PIK3R4: variants seen among roughly 807,000 people sequenced by gnomAD.
The protein encoded by PIK3R4 is phosphoinositide-3-kinase regulatory subunit 4, also known as phosphoinositide 3-kinase regulatory subunit 4.
In PIK3R4, 46 loss-of-function variants were observed where a neutral mutation model predicts 136.5. The observed-to-expected ratio is 0.34, with a 90% CI of 0.27 to 0.43. The LOEUF (loss-of-function observed/expected upper bound fraction) is 0.43, where lower values mean the gene tolerates loss of function less well. PIK3R4 is among the 20% of genes least tolerant of loss of function. The probability of loss-of-function intolerance (pLI) is 1.00; values close to 1 mark genes in which losing one functional copy is unlikely to be tolerated. For missense variants in PIK3R4, 1,331 were observed against 1,649.5 expected (o/e 0.81, Z 3.35); for synonymous variants, 557 against 566.7 (o/e 0.98, Z 0.24).
At chr3:130,718,301 A>T in intron 8 of PIK3R4, 88 bp downstream of exon 8, 1 of 1,148,226 alleles carries the variant, frequency 8.7e-7, no homozygotes. Context: ...TACTTAAAAA[A>T]TGTTAAGAAA....
Position 130,729,156 on chromosome 3 carries a change from C to T in PIK3R4, c.1586-472G>A, listed in dbSNP as rs143060002. Among the ~76,000 whole-genome samples, 435 of 152,282 alleles carry T rather than the reference C, an allele frequency of 2.9e-3. 2 individuals carry two copies. Among genetic ancestry groups the T allele is most frequent in the Non-Finnish European group, 5.1e-3 (345 of 67,976 alleles). On this transcript the variant is annotated intron_variant, in intron 5 of 19. Coordinates refer to ENST00000356763, the MANE Select transcript of PIK3R4 (RefSeq NM_014602.3). ...CACTGCAAGTTCTGTCAAGGCTTTA[C>T]TTCATCTGGCCACTGTCTTCTCTGG...
At chr3:130,729,483 C>G (rs1316168708) in intron 5 of PIK3R4, among the ~76,000 whole-genome samples, 1 of 152,134 alleles carries the variant, frequency 6.6e-6, no homozygotes, top group Non-Finnish European at 1.5e-5. Context: ...TAGATTCCCT[C>G]CCCAAAAATT....
intron 13 of PIK3R4, among the ~76,000 whole-genome samples, chr3:130,702,297 T>G (rs1239069729): frequency 6.6e-6 from 1 of 152,180 alleles, no homozygotes; most frequent in Non-Finnish European, 1.5e-5. Context: ...TGCTTGCATA[T>G]TTGAATATTT....
At chr3:130,713,963 C>A (rs142388311) in intron 9 of PIK3R4, among the ~76,000 whole-genome samples, 12 of 151,986 alleles carry the variant, frequency 7.9e-5, no homozygotes, top group Non-Finnish European at 1.5e-5. Flanking sequence ...TGAGCCACCG[C>A]GCCGGGCCTG....
intron 7 of PIK3R4, among the ~76,000 whole-genome samples, chr3:130,722,309 T>C (rs2066706176): frequency 6.6e-6 from 1 of 152,198 alleles, no homozygotes; most frequent in Non-Finnish European, 1.5e-5. Flanking sequence ...ACTGGGTTTA[T>C]TCTGTATATA....
At chr3:130,722,228 T>A (rs1323443955) in intron 7 of PIK3R4, among the ~76,000 whole-genome samples, 1 of 152,214 alleles carries the variant, frequency 6.6e-6, no homozygotes, top group Non-Finnish European at 1.5e-5. Flanking sequence ...CGTGTTTTTT[T>A]CTCCCCATAG....
intron 15 of PIK3R4, among the ~76,000 whole-genome samples, chr3:130,685,054 G>A (rs1329024402): frequency 6.6e-6 from 1 of 152,148 alleles, no homozygotes; most frequent in East Asian, 1.9e-4. Context: ...GAATAAGCAT[G>A]CCAACCAAAA....
intron 16 of PIK3R4, among the ~76,000 whole-genome samples, chr3:130,682,391 C>G (rs1220444979): frequency 6.6e-6 from 1 of 152,168 alleles, no homozygotes; most frequent in Non-Finnish European, 1.5e-5. Flanking sequence ...TCCCCTAGTG[C>G]CTCCAGAGGG....
At chr3:130,703,106 A>G (rs1321664851) in intron 13 of PIK3R4, among the ~76,000 whole-genome samples, 2 of 152,274 alleles carry the variant, frequency 1.3e-5, no homozygotes, top group East Asian at 3.9e-4. Flanking sequence ...TCTGTTGACA[A>G]CTAACTCAGA....
At chr3:130,726,120 A>G (rs2066730010) in intron 6 of PIK3R4, among the ~76,000 whole-genome samples, 2 of 152,096 alleles carry the variant, frequency 1.3e-5, no homozygotes, top group African/African-American at 2.4e-5. Flanking sequence ...CATACGTTGC[A>G]TATTTATACC....
intron 6 of PIK3R4, among the ~76,000 whole-genome samples, chr3:130,727,422 A>C (rs890240217): frequency 6.6e-6 from 1 of 152,006 alleles, no homozygotes; most frequent in Non-Finnish European, 1.5e-5. Context: ...ACGGGGTTTC[A>C]CCGTGTTAGC....
chr3:130,681,360 T>TTGA, intron 17 of PIK3R4, 131 bp downstream of exon 17: 1 of 676,332 alleles, frequency 1.5e-6, no homozygotes, highest in Non-Finnish European at 2.7e-6. Flanking sequence ...CACATGATAC[T>TTGA]TGATGTTATT....
At chr3:130,745,879 C>T (rs1010933684) in intron 1 of PIK3R4, among the ~76,000 whole-genome samples, 1 of 152,018 alleles carries the variant, frequency 6.6e-6, no homozygotes, top group African/African-American at 2.4e-5. Context: ...AAAAATTAGC[C>T]GGGCGTGGTA....
At chr3:130,742,590 T>C (rs764534837) in intron 2 of PIK3R4, among the ~76,000 whole-genome samples, 1 of 152,238 alleles carries the variant, frequency 6.6e-6, no homozygotes, top group Non-Finnish European at 1.5e-5. Context: ...CTCAGTATTA[T>C]CTTGGGACAC....
intron 13 of PIK3R4, among the ~76,000 whole-genome samples, chr3:130,698,072 C>T (rs531701599): frequency 7.2e-4 from 110 of 152,292 alleles, no homozygotes; most frequent in African/African-American, 2.5e-3. Flanking sequence ...TAAAAATCAA[C>T]TGTTAATTTT....
chr3:130,733,712 G>C lies in PIK3R4; in HGVS notation c.1286C>G (p.Ser429Cys), dbSNP rs150553477. 4.3e-5 allele frequency: 69 copies of C among 1,614,164 alleles called. No homozygotes were observed. In the African/African-American group the frequency reaches 8.3e-4, roughly 19 times the overall value. Residue 429 changes from serine to cysteine, a missense_variant, in exon 4 of 20, where the codon TCT becomes TGT. By Grantham distance (112) the Ser-to-Cys change is moderately radical. Around this residue, in one of 2 missense-constraint regions of PIK3R4, gnomAD observed 1,180 missense variants for 1,407.0 expected, o/e 0.84. Transcript: ENST00000356763. Reference sequence around the variant, plus strand: ...GGCTTCAGCCCTCACCCTAGGAACAGAGTCATTGCTGAAATGCAAAAGATA... The same window carrying C: ...GGCTTCAGCCCTCACCCTAGGAACACAGTCATTGCTGAAATGCAAAAGATA... ...TPYLLHFSND[S>C]VPRVRAEALR... is the part of the protein sequence containing the mutation.
Position 130,705,630 on chromosome 3 carries a change from A to G in PIK3R4, c.2863T>C (p.Cys955Arg). 6.2e-7 allele frequency: 1 copy of G among 1,613,886 alleles called. No individual in the cohort carries two copies. The highest frequency in any genetic ancestry group is 1.1e-5 in the South Asian group (1 of 91,078). The change falls in exon 12 of 20, where the codon TGC (cysteine) becomes CGC (arginine). Residue 955 changes from cysteine to arginine, a missense_variant. Physicochemically the swap from Cys to Arg is radical, Grantham distance 180. This residue lies in a region of PIK3R4 where 1,180 missense variants were observed against 1,407.0 expected (regional missense o/e 0.84). Coordinates refer to ENST00000356763, the MANE Select transcript of PIK3R4 (RefSeq NM_014602.3). Reference protein sequence around the residue: ...QQLIQQKREQCNAERIAKQMM... With the variant: ...QQLIQQKREQRNAERIAKQMM... ...TGCTTAGCTATTCTCTCAGCATTGCACTGCTCCCGCTTTTGCTGGATGAGT... is the reference window on the plus strand; with the variant it reads ...TGCTTAGCTATTCTCTCAGCATTGCGCTGCTCCCGCTTTTGCTGGATGAGT...
chr3:130,680,733 G>A lies in PIK3R4; in HGVS notation c.3798-12C>T. On this transcript the variant is annotated splice_polypyrimidine_tract_variant and intron_variant, in intron 18 of 19. Coordinates refer to ENST00000356763, the MANE Select transcript of PIK3R4 (RefSeq NM_014602.3). Reference sequence around the variant, plus strand: ...CCAAGTCCCAAAACCTAGGAAAGAGGAAATAAATGATGACAATCTCTTCAG... The same window carrying A: ...CCAAGTCCCAAAACCTAGGAAAGAGAAAATAAATGATGACAATCTCTTCAG... The A allele has an allele frequency of 6.7e-7, 1 of 1,491,692 alleles. No individual in the cohort carries two copies. The highest frequency in any genetic ancestry group is 1.2e-5 in the South Asian group (1 of 86,904). 92.4% of individuals were successfully genotyped at this position (1,491,692 alleles called of 1,614,324 possible). A position where few individuals can be genotyped will look rare whatever the true frequency, so the allele number is the denominator to read the frequency against.
In PIK3R4 at chr3:130,703,908, T is replaced by C; in HGVS notation, c.2933-20A>G. The C allele has an allele frequency of 1.3e-6, 2 of 1,582,112 alleles. No homozygotes were observed. The highest frequency in any genetic ancestry group is 2.2e-5 in the East Asian group (1 of 44,540). ...GCCATCCTAAGGAAAAGCAAAGGAG[T>C]GTATCATAAACTGTAGTTTACAAAT... On this transcript the variant is annotated intron_variant, in intron 12 of 19. Coordinates refer to ENST00000356763, the MANE Select transcript of PIK3R4 (RefSeq NM_014602.3).
Sources: allele counts gnomAD v4.1 joint callset (sites outside exome capture counted in the v4.1 genomes callset), GRCh38; gene constraint gnomAD v4.1.1; regional missense constraint gnomAD v4.1.1; transcripts MANE v1.5; gene names NCBI Gene and HGNC (gene_info 2026-07-23, HGNC 2026-07-21).